SCTR: variants seen among roughly 807,000 people sequenced by gnomAD.
SCTR encodes secretin receptor.
Under a neutral mutation model 60.8 loss-of-function variants are expected in SCTR, and 56 were observed. The observed-to-expected ratio is 0.92, with a 90% CI of 0.74 to 1.15. The LOEUF (loss-of-function observed/expected upper bound fraction) is 1.15. Ranked by LOEUF, SCTR falls within the 50% of genes most tolerant of loss-of-function variation. The pLI is 0.00. For synonymous variants in SCTR, 202 were observed against 217.0 expected (o/e 0.93, Z 0.61); for missense variants, 562 against 550.4 (o/e 1.02, Z -0.21).
At chr2:119,493,137 G>A (rs1226404034) in intron 2 of SCTR, among the ~76,000 whole-genome samples, 4 of 152,144 alleles carry the variant, frequency 2.6e-5, no homozygotes, top group South Asian at 2.1e-4. Flanking sequence ...GATTACAGGC[G>A]TGAGCCACTG....
At chr2:119,441,422 A>C (rs1007975826) in intron 12 of SCTR, 136 bp downstream of exon 12, 4 of 691,540 alleles carry the variant, frequency 5.8e-6, no homozygotes, top group Non-Finnish European at 1.0e-5. Flanking sequence ...TGGCCAAGCC[A>C]CCTGCCACCA....
intron 3 of SCTR, among the ~76,000 whole-genome samples, chr2:119,474,619 C>A (rs1022641899): frequency 6.6e-6 from 1 of 152,168 alleles, no homozygotes; most frequent in African/African-American, 2.4e-5. Context: ...CCCAGCTGAG[C>A]GTGGCATGCT....
intron 6 of SCTR, among the ~76,000 whole-genome samples, chr2:119,463,062 TACACACACAC>T (rs35496213): frequency 0.053 from 7,852 of 148,358 alleles, 649 homozygotes; most frequent in African/African-American, 0.18. Context: ...AGTCAGAAAA[TACACACACAC>T]ACACACACAC....
rs528221807 is a variant in SCTR, at chr2:119,457,843, C to G, written c.790+4004G>C. 1.1e-4 allele frequency among the ~76,000 whole-genome samples: 17 copies of G among 152,232 alleles called. No homozygotes were observed. The South Asian group carries it at 3.5e-3, about 32-fold the overall frequency. On this transcript the variant is annotated intron_variant, in intron 7 of 12. Coordinates refer to ENST00000019103, the MANE Select transcript of SCTR (RefSeq NM_002980.3). ...ACACGAGAGTAAATCTTAGGAGGAA[C>G]AAGTTAAAAGAGTGAAAGGCATTAA... is the stretch of plus-strand genomic sequence containing the variant.
In SCTR at chr2:119,489,327, C is replaced by CT. The variant is rs560806377; in HGVS notation, c.193+5100dup. The stretch of plus-strand genomic sequence containing the variant: ...CCAAGGCTCCACCTCATCTCCCACT[C>CT]TCTCCTTGGGGCCAGCTGTCTTTTG... On this transcript the variant is annotated intron_variant, in intron 2 of 12. Coordinates refer to ENST00000019103, the MANE Select transcript of SCTR (RefSeq NM_002980.3). Among the ~76,000 whole-genome samples, 739 of 152,332 alleles carry CT rather than the reference C, an allele frequency of 4.9e-3. 6 individuals are homozygous for CT. The highest frequency in any genetic ancestry group is 0.017 in the African/African-American group (708 of 41,572).
intron 1 of SCTR, among the ~76,000 whole-genome samples, chr2:119,514,537 T>A (rs1679052257): frequency 6.6e-6 from 1 of 152,170 alleles, no homozygotes; most frequent in African/African-American, 2.4e-5. Context: ...GACTCTTAAG[T>A]CAAGATGGCA....
At chr2:119,496,692 T>G (rs1558873800) in intron 1 of SCTR, among the ~76,000 whole-genome samples, 2 of 152,100 alleles carry the variant, frequency 1.3e-5, no homozygotes, top group South Asian at 2.1e-4. Context: ...CACTGCCAGA[T>G]AGTGACAAAA....
chr2:119,475,393 C>T (rs1278670476), intron 3 of SCTR, among the ~76,000 whole-genome samples: 2 of 152,134 alleles, frequency 1.3e-5, no homozygotes, highest in African/African-American at 4.8e-5. Context: ...TCCTCACTGA[C>T]ACAGCAGGAC....
At chr2:119,499,784 T>C (rs1678472700) in intron 1 of SCTR, among the ~76,000 whole-genome samples, 1 of 152,080 alleles carries the variant, frequency 6.6e-6, no homozygotes, top group South Asian at 2.1e-4. Context: ...TTCTTCAACT[T>C]GATAAAGAGC....
At chr2:119,515,579 T>C (rs1679085962) in intron 1 of SCTR, among the ~76,000 whole-genome samples, 1 of 152,198 alleles carries the variant, frequency 6.6e-6, no homozygotes, top group African/African-American at 2.4e-5. Context: ...TTACTCTCTC[T>C]CTTTCTCTCT....
chr2:119,474,215 C>T (rs542938115), intron 3 of SCTR, among the ~76,000 whole-genome samples: 9 of 152,332 alleles, frequency 5.9e-5, no homozygotes, highest in African/African-American at 1.7e-4. Context: ...GTGGCTTCCC[C>T]GCCTCCCCAG....
In SCTR at chr2:119,461,950, G is replaced by A; in HGVS notation, c.687C>T (p.Asn229=). The change falls in exon 7 of 13, where the codon AAC becomes AAT. Residue 229 remains asparagine (N), a synonymous_variant. Transcript: ENST00000019103. ...MVLFQYCIMA[N]YSWLLVEGLY... is the part of the protein sequence containing the mutation. ...GGCCTTCCACCAGCAGCCAGGAGTA[G>A]TTGGCCATGATGCAGTACTGGAACA... The A allele has an allele frequency of 1.2e-6, 2 of 1,614,002 alleles. No homozygotes were observed. Among genetic ancestry groups the A allele is most frequent in the Non-Finnish European group, 1.7e-6 (2 of 1,179,962 alleles).
At chr2:119,514,314 C>T (rs1046902889) in intron 1 of SCTR, among the ~76,000 whole-genome samples, 5 of 152,178 alleles carry the variant, frequency 3.3e-5, no homozygotes, top group African/African-American at 9.7e-5. Context: ...GACAATCTGC[C>T]TTCCTTGGAT....
At chr2:119,463,480 G>A (rs921737222) in intron 6 of SCTR, among the ~76,000 whole-genome samples, 1 of 152,146 alleles carries the variant, frequency 6.6e-6, no homozygotes, top group Non-Finnish European at 1.5e-5. Flanking sequence ...GCGGAAACAG[G>A]GGAAAAGACT....
At chr2:119,519,468 G>T (rs2104958235) in intron 1 of SCTR, among the ~76,000 whole-genome samples, 1 of 152,182 alleles carries the variant, frequency 6.6e-6, no homozygotes, top group African/African-American at 2.4e-5. Context: ...ACAGCTCCTT[G>T]GGCACCAGAA....
chr2:119,464,845 C>A (rs748003505), intron 5 of SCTR, among the ~76,000 whole-genome samples: 1 of 152,128 alleles, frequency 6.6e-6, no homozygotes, highest in Admixed American at 6.5e-5. Context: ...GCAACCAGAA[C>A]GGGAGAGGGC....
intron 11 of SCTR, 155 bp from the exon 12 acceptor site, chr2:119,441,754 T>C (rs2104746664): frequency 1.5e-6 from 1 of 679,686 alleles, no homozygotes. Flanking sequence ...CTACCTCTTG[T>C]GGGCTGCCCA....
intron 11 of SCTR, among the ~76,000 whole-genome samples, chr2:119,442,025 T>A (rs1298088236): frequency 6.6e-6 from 1 of 152,236 alleles, no homozygotes; most frequent in Non-Finnish European, 1.5e-5. Flanking sequence ...TGAATATGTT[T>A]AAATGTAGAT....
chr2:119,447,171 T>G (rs927188166), intron 10 of SCTR, among the ~76,000 whole-genome samples: 1 of 152,094 alleles, frequency 6.6e-6, no homozygotes, highest in African/African-American at 2.4e-5. Context: ...TTAACTTTAT[T>G]TATAAATTAC....
Sources: allele counts gnomAD v4.1 joint callset (sites outside exome capture counted in the v4.1 genomes callset), GRCh38; gene constraint gnomAD v4.1.1; transcripts MANE v1.5; gene names NCBI Gene and HGNC (gene_info 2026-07-23, HGNC 2026-07-21).